CSNK1G1: variants seen among roughly 807,000 people sequenced by gnomAD.
The protein encoded by CSNK1G1 is casein kinase I isoform gamma-1.
A neutral mutation model predicts 59.6 loss-of-function variants in CSNK1G1; 22 were observed. The observed-to-expected ratio is 0.37, with a 90% CI of 0.26 to 0.53. The LOEUF (loss-of-function observed/expected upper bound fraction) is 0.53. Ranked by LOEUF, CSNK1G1 falls within the 20% of genes least tolerant of loss-of-function variation. The pLI is 0.89. For missense variants in CSNK1G1, 384 were observed against 519.5 expected (o/e 0.74, Z 2.54); for synonymous variants, 179 against 177.1 (o/e 1.01, Z -0.08).
chr15:64,316,274 C>T (rs1001650885), intron 1 of CSNK1G1, among the ~76,000 whole-genome samples: 2 of 152,104 alleles, frequency 1.3e-5, no homozygotes, highest in African/African-American at 2.4e-5. Context: ...CGGTGGCTCA[C>T]GCCTGTAATC....
At chr15:64,182,690 T>C (rs2081835286) in intron 10 of CSNK1G1, among the ~76,000 whole-genome samples, 1 of 152,256 alleles carries the variant, frequency 6.6e-6, no homozygotes, top group African/African-American at 2.4e-5. Context: ...TACTTTCATA[T>C]GGTTTAGCAA....
At chr15:64,320,342 C>T (rs1896493325) in intron 1 of CSNK1G1, among the ~76,000 whole-genome samples, 1 of 152,036 alleles carries the variant, frequency 6.6e-6, no homozygotes, top group Non-Finnish European at 1.5e-5. Flanking sequence ...GGGTGTCCCA[C>T]CTAACAGGTA....
intron 9 of CSNK1G1, among the ~76,000 whole-genome samples, chr15:64,203,694 T>TAAAAAAAAAAAAAA (rs531367701): frequency 3.6e-5 from 2 of 56,176 alleles, no homozygotes; most frequent in African/African-American, 1.5e-4. Context: ...TGAAACTCCG[T>TAAAAAAAAAAAAAA]AAAAAAAAAA....
At chr15:64,232,341 A>T (rs2082561085) in intron 4 of CSNK1G1, among the ~76,000 whole-genome samples, 1 of 152,244 alleles carries the variant, frequency 6.6e-6, no homozygotes, top group African/African-American at 2.4e-5. Flanking sequence ...GGGCTTAGCT[A>T]GCAGCTAGAT....
Position 64,220,035 on chromosome 15 carries a change from G to T in CSNK1G1, c.293-3322C>A, listed in dbSNP as rs545080992. Reference sequence around the variant, plus strand: ...GATCTGCCTGCCTTGGCCTCTCAAAGTGCTGGCATTACAGGTGTGAGCCAC... The same window carrying T: ...GATCTGCCTGCCTTGGCCTCTCAAATTGCTGGCATTACAGGTGTGAGCCAC... On this transcript the variant is annotated intron_variant, in intron 4 of 11. Coordinates refer to ENST00000303052, the MANE Select transcript of CSNK1G1 (RefSeq NM_022048.5). Among the ~76,000 whole-genome samples the T allele has an allele frequency of 3.7e-3, 555 of 151,178 alleles. 2 individuals are homozygous for T. The highest frequency in any genetic ancestry group is 0.017 in the Middle Eastern group (5 of 292).
chr15:64,278,238 G>A (rs1893863253), intron 2 of CSNK1G1, among the ~76,000 whole-genome samples: 1 of 150,916 alleles, frequency 6.6e-6, no homozygotes, highest in African/African-American at 2.4e-5. Flanking sequence ...GTAGAGACAG[G>A]GTTTTGCCAT....
At chr15:64,325,296 G>A (rs963684981) in intron 1 of CSNK1G1, among the ~76,000 whole-genome samples, 24 of 151,852 alleles carry the variant, frequency 1.6e-4, no homozygotes, top group Admixed American at 7.9e-4. Context: ...GCAGGCATCC[G>A]TTTGAATTCT....
chr15:64,267,256 C>CAAAAAAAAAAAAAAAAAA (rs199581105), intron 2 of CSNK1G1, among the ~76,000 whole-genome samples: 1 of 61,828 alleles, frequency 1.6e-5, no homozygotes, highest in Non-Finnish European at 3.7e-5. Context: ...GACCTTATCT[C>CAAAAAAAAAAAAAAAAAA]AAAAAAAAAA....
intron 2 of CSNK1G1, among the ~76,000 whole-genome samples, chr15:64,291,511 C>A (rs1894741965): frequency 6.6e-6 from 1 of 152,150 alleles, no homozygotes; most frequent in Non-Finnish European, 1.5e-5. Flanking sequence ...TTGCTTGAAT[C>A]CAGGAGGTGG....
intron 4 of CSNK1G1, among the ~76,000 whole-genome samples, chr15:64,238,518 A>AAAAAAAAATATATATAT (rs1555396879): frequency 4.1e-5 from 2 of 49,248 alleles, no homozygotes; most frequent in African/African-American, 2.3e-4. Context: ...AAAAAAAAAA[A>AAAAAAAAATATATATAT]ATATATATAT....
chr15:64,232,498 C>T (rs1353147356), intron 4 of CSNK1G1, among the ~76,000 whole-genome samples: 3 of 152,162 alleles, frequency 2.0e-5, no homozygotes, highest in Admixed American at 6.5e-5. Context: ...ATACATAATT[C>T]TGCCTTCTCA....
intron 1 of CSNK1G1, among the ~76,000 whole-genome samples, chr15:64,311,047 CATTTT>C (rs1259814433): frequency 4.0e-5 from 6 of 150,626 alleles, no homozygotes; most frequent in East Asian, 3.9e-4. Context: ...TATACATATG[CATTTT>C]ATTTTATTTA....
intron 1 of CSNK1G1, among the ~76,000 whole-genome samples, chr15:64,337,408 G>A (rs1025299577): frequency 5.3e-5 from 8 of 152,082 alleles, no homozygotes; most frequent in Admixed American, 2.6e-4. Flanking sequence ...AAATGCAGTC[G>A]TACCATGATA....
intron 2 of CSNK1G1, among the ~76,000 whole-genome samples, chr15:64,298,887 A>T (rs1895165411): frequency 6.6e-6 from 1 of 151,908 alleles, no homozygotes; most frequent in Non-Finnish European, 1.5e-5. Flanking sequence ...AAAAAAAAAA[A>T]AATAAGCTGG....
intron 4 of CSNK1G1, among the ~76,000 whole-genome samples, chr15:64,244,470 C>T (rs1891647367): frequency 6.6e-6 from 1 of 151,528 alleles, no homozygotes; most frequent in Non-Finnish European, 1.5e-5. Context: ...CAATCTATAG[C>T]TTCAACACAA....
chr15:64,221,050 T>C (rs1240052648), intron 4 of CSNK1G1, among the ~76,000 whole-genome samples: 2 of 152,230 alleles, frequency 1.3e-5, no homozygotes, highest in Admixed American at 6.5e-5. Context: ...TCTGGATTTT[T>C]TTTATCAAAA....
intron 2 of CSNK1G1, among the ~76,000 whole-genome samples, chr15:64,295,997 T>C (rs1003304380): frequency 8.5e-5 from 13 of 152,182 alleles, no homozygotes; most frequent in African/African-American, 3.1e-4. Context: ...TATCTAGTGA[T>C]TGTGTATCCT....
intron 3 of CSNK1G1, among the ~76,000 whole-genome samples, chr15:64,258,858 GA>G (rs1892537462): frequency 6.6e-6 from 1 of 151,842 alleles, no homozygotes; most frequent in Admixed American, 6.6e-5. Flanking sequence ...TTAAGTTAGA[GA>G]AAAAAACAGT....
chr15:64,231,322 T>C (rs2082545400), intron 4 of CSNK1G1, among the ~76,000 whole-genome samples: 1 of 147,848 alleles, frequency 6.8e-6, no homozygotes, highest in Non-Finnish European at 1.5e-5. Context: ...CAAAACCTCA[T>C]CTCCAAATAT....
Sources: allele counts gnomAD v4.1 joint callset (sites outside exome capture counted in the v4.1 genomes callset), GRCh38; gene constraint gnomAD v4.1.1; transcripts MANE v1.5; gene names NCBI Gene and HGNC (gene_info 2026-07-23, HGNC 2026-07-21).